Variants in BET1 observed in about 807,000 individuals in gnomAD.
The protein encoded by BET1 is Bet1 golgi vesicular membrane trafficking protein.
A neutral mutation model predicts 13.9 loss-of-function variants in BET1; 9 were observed. The observed-to-expected ratio is 0.65, with a 90% CI of 0.39 to 1.13. The LOEUF is 1.13. BET1 is among the 50% of genes most tolerant of loss of function. The pLI, the probability that BET1 is intolerant of heterozygous loss-of-function variation, is 0.01. For missense variants in BET1, 127 were observed against 133.6 expected (o/e 0.95, Z 0.24); for synonymous variants, 39 against 47.3 (o/e 0.82, Z 0.72).
chr7:93,972,985 C>G (rs1474672144), intron 5 of BET1, among the ~76,000 whole-genome samples: 1 of 151,776 alleles, frequency 6.6e-6, no homozygotes, highest in African/African-American at 2.4e-5. Context: ...TGTAAACTGG[C>G]TGAATTCTTT....
exon 7 of BET1, chr7:93,964,781 G>T (rs924696447): frequency 6.6e-6 from 1 of 151,994 alleles, no homozygotes. Context: ...CCACGAGATT[G>T]CACATCAGTC....
chr7:93,994,219 A>C lies in BET1; in HGVS notation c.*11T>G. Reference sequence around the variant, plus strand: ...AAGTTGGAACAAATTCCAAATTCACAATTACATGCATCACCTCAGTTTAAT... The same window carrying C: ...AAGTTGGAACAAATTCCAAATTCACCATTACATGCATCACCTCAGTTTAAT... On this transcript the variant is annotated 3_prime_UTR_variant, in exon 4 of 4. Transcript: ENST00000222547. 6.3e-7 allele frequency: 1 copy of C among 1,588,564 alleles called. No homozygotes were observed. Among genetic ancestry groups the C allele is most frequent in the Non-Finnish European group, 8.6e-7 (1 of 1,168,566 alleles).
At chr7:93,974,673 A>C (rs1795309579) in intron 5 of BET1, among the ~76,000 whole-genome samples, 2 of 152,052 alleles carry the variant, frequency 1.3e-5, no homozygotes, top group Non-Finnish European at 2.9e-5. Flanking sequence ...GCTCTTCTTT[A>C]GAAAAAGATT....
chr7:93,982,229 TCAG>T (rs1795441165), intron 4 of BET1, among the ~76,000 whole-genome samples: 1 of 152,072 alleles, frequency 6.6e-6, no homozygotes, highest in African/African-American at 2.4e-5. Flanking sequence ...GATATATAGA[TCAG>T]TCTATAATTA....
chr7:94,001,723 A>T (rs1057059834), intron 1 of BET1, among the ~76,000 whole-genome samples: 56 of 152,218 alleles, frequency 3.7e-4, no homozygotes, highest in Non-Finnish European at 2.4e-4. Flanking sequence ...ATAAGGGCCA[A>T]GATACTTAAA....
At chr7:93,963,872 T>C (rs1196455105) in exon 7 of BET1, 1 of 151,924 alleles carries the variant, frequency 6.6e-6, no homozygotes, top group Non-Finnish European at 1.5e-5. Flanking sequence ...AGCCTCAGCC[T>C]TCAACCAACA....
At chr7:93,983,697 G>T (rs551757179) in intron 4 of BET1, among the ~76,000 whole-genome samples, 53 of 152,180 alleles carry the variant, frequency 3.5e-4, no homozygotes, top group East Asian at 1.7e-3. Flanking sequence ...CATTCAGGTT[G>T]CTGCTTCTAC....
At chr7:93,969,317 G>A (rs959443857) in intron 6 of BET1, 1 of 151,880 alleles carries the variant, frequency 6.6e-6, no homozygotes, top group Non-Finnish European at 1.5e-5. Context: ...GAAGAAATAT[G>A]TGATTCTTTT....
chr7:94,002,458 T>TTA (rs1562810165), intron 1 of BET1, among the ~76,000 whole-genome samples: 1 of 128,086 alleles, frequency 7.8e-6, no homozygotes, highest in African/African-American at 3.3e-5. Flanking sequence ...AGCTTTTTTT[T>TTA]AAAAAAAAAA....
intron 6 of BET1, among the ~76,000 whole-genome samples, chr7:93,966,469 G>A: frequency 6.6e-6 from 1 of 151,806 alleles, no homozygotes; most frequent in East Asian, 1.9e-4. Context: ...ACTTGCAGGG[G>A]GCAAATCTTG....
At chr7:94,002,213 T>C (rs1384252030) in intron 1 of BET1, among the ~76,000 whole-genome samples, 1 of 152,138 alleles carries the variant, frequency 6.6e-6, no homozygotes, top group Non-Finnish European at 1.5e-5. Context: ...ATAGGTTCTA[T>C]CAGTAAGCTA....
At chr7:93,986,246 A>C (rs1233838649) in intron 4 of BET1, among the ~76,000 whole-genome samples, 1 of 152,158 alleles carries the variant, frequency 6.6e-6, no homozygotes, top group East Asian at 1.9e-4. Flanking sequence ...ATGGTATCTC[A>C]TTTGCAATTC....
At chr7:94,003,609 A>G (rs1795963767) in intron 1 of BET1, among the ~76,000 whole-genome samples, 1 of 152,196 alleles carries the variant, frequency 6.6e-6, no homozygotes, top group African/African-American at 2.4e-5. Flanking sequence ...GTAAAGATCA[A>G]ATGTTAAGTC....
At chr7:93,967,114 T>C (rs1795186007) in intron 6 of BET1, among the ~76,000 whole-genome samples, 1 of 151,876 alleles carries the variant, frequency 6.6e-6, no homozygotes, top group Non-Finnish European at 1.5e-5. Flanking sequence ...TTCTCAGTAA[T>C]AGGAAGAATC....
intron 2 of BET1, among the ~76,000 whole-genome samples, chr7:93,998,242 T>C (rs189574164): frequency 6.6e-6 from 1 of 152,316 alleles, no homozygotes; most frequent in East Asian, 1.9e-4. Flanking sequence ...GCATGAACTT[T>C]ATTAAATCAT....
chr7:93,974,507 G>A (rs768731081), intron 5 of BET1, among the ~76,000 whole-genome samples: 17 of 151,934 alleles, frequency 1.1e-4, no homozygotes, highest in Non-Finnish European at 1.6e-4. Context: ...GGGCACAGGA[G>A]CCAAATGGAA....
intron 4 of BET1, among the ~76,000 whole-genome samples, chr7:93,986,816 T>C (rs377069429): frequency 1.3e-5 from 2 of 152,224 alleles, no homozygotes; most frequent in South Asian, 4.1e-4. Context: ...ATGTAGCTAT[T>C]GTAACATCAC....
chr7:93,988,463 G>A (rs1162778453), downstream of BET1, among the ~76,000 whole-genome samples: 3 of 152,080 alleles, frequency 2.0e-5, no homozygotes, highest in Non-Finnish European at 2.9e-5. Flanking sequence ...CCTCTCTAGG[G>A]AAGTACTAGA....
chr7:93,972,596 T>G (rs554608907), exon 6 of BET1: 5 of 151,928 alleles, frequency 3.3e-5, no homozygotes, highest in African/African-American at 1.2e-4. Context: ...CAGACTTTGA[T>G]GTTTGGCCAA....
Sources: gnomAD v4.1 joint callset for allele counts (sites outside exome capture counted in the v4.1 genomes callset) on GRCh38, gnomAD v4.1.1 for gene constraint, MANE v1.5 for transcripts, NCBI Gene and HGNC (gene_info 2026-07-23, HGNC 2026-07-21) for gene names.